CASK: variants seen among roughly 807,000 people sequenced by gnomAD.
CASK encodes the protein peripheral plasma membrane protein CASK.
Under a neutral mutation model 82.9 loss-of-function variants are expected in CASK, and 4 were observed. The observed-to-expected ratio is 0.05, with a 90% CI of 0.02 to 0.11. The LOEUF (loss-of-function observed/expected upper bound fraction) is 0.11. Among genes scored for constraint, CASK ranks in the 10% least tolerant of loss-of-function variants. The pLI, the probability that CASK is intolerant of heterozygous loss-of-function variation, is 1.00. For missense variants in CASK, 358 were observed against 720.9 expected, an observed-to-expected ratio of 0.50 and a Z score of 5.76; for synonymous variants, 259 against 253.5, an observed-to-expected ratio of 1.02 and a Z score of -0.20.
intron 15 of CASK, among the ~76,000 whole-genome samples, chrX:41,572,085 C>CTT (rs755117126): frequency 1.0e-5 from 1 of 98,465 alleles, no homozygotes. Context: ...TATCTTCTTA[C>CTT]TTTTTTTTTT....
At chrX:41,859,103 A>G (rs2071426297) in intron 1 of CASK, among the ~76,000 whole-genome samples, 1 of 111,902 alleles carries the variant, frequency 8.9e-6, no homozygotes, top group Non-Finnish European at 1.9e-5. Flanking sequence ...ATCATGTCTC[A>G]GGAAACCTTT....
intron 15 of CASK, 55 bp downstream of exon 15, chrX:41,578,285 T>C: frequency 1.1e-6 from 1 of 906,688 alleles, no homozygotes; most frequent in Non-Finnish European, 1.6e-6. Context: ...AGTTAGTTGA[T>C]ATAACTCATG....
intron 8 of CASK, among the ~76,000 whole-genome samples, chrX:41,645,459 C>T (rs1227333896): frequency 9.0e-6 from 1 of 111,134 alleles, no homozygotes; most frequent in Non-Finnish European, 1.9e-5. Flanking sequence ...CATCAATCCC[C>T]TGTCTAAGTA....
In CASK at chrX:41,534,799, G is replaced by GA; in HGVS notation, c.2237-14dup. ...ACACCATGTGCGCCTATGTCATTTA[G>GA]AAAAAAAGAATGTTAAAACTGACAA... On this transcript the variant is annotated splice_polypyrimidine_tract_variant and intron_variant, in intron 23 of 26. Transcript: ENST00000378163. The GA allele has an allele frequency of 8.4e-7, 1 of 1,188,220 alleles. No individual in the cohort carries two copies. The highest frequency in any genetic ancestry group is 1.1e-6 in the Non-Finnish European group (1 of 874,619).
intron 1 of CASK, among the ~76,000 whole-genome samples, chrX:41,866,882 T>C (rs1327340096): frequency 1.8e-5 from 2 of 111,641 alleles, no homozygotes; most frequent in Non-Finnish European, 3.8e-5. Flanking sequence ...TTTTGGGGTT[T>C]GATGAATACC....
chrX:41,550,356 T>C (rs2065079645), intron 21 of CASK, among the ~76,000 whole-genome samples: 1 of 111,299 alleles, frequency 9.0e-6, no homozygotes, highest in African/African-American at 3.3e-5. Flanking sequence ...CATATATCAA[T>C]AGTTTGATCC....
At chrX:41,830,189 C>T (rs1410020217) in intron 2 of CASK, among the ~76,000 whole-genome samples, 1 of 107,398 alleles carries the variant, frequency 9.3e-6, no homozygotes, top group Non-Finnish European at 1.9e-5. Context: ...TTGTAGAGAT[C>T]GGGTCTCACT....
intron 5 of CASK, among the ~76,000 whole-genome samples, chrX:41,708,246 GAA>G (rs1169439663): frequency 9.0e-6 from 1 of 111,423 alleles, no homozygotes; most frequent in Non-Finnish European, 1.9e-5. Flanking sequence ...TTCATTAGGT[GAA>G]AATACTTTAA....
intron 2 of CASK, among the ~76,000 whole-genome samples, chrX:41,804,013 C>T (rs142450612): frequency 1.7e-4 from 19 of 111,444 alleles, no homozygotes; most frequent in Middle Eastern, 4.6e-3. Flanking sequence ...ATATAAAGAA[C>T]CAGAATAGAA....
Position 41,520,247 on chromosome X carries a change from T to C in CASK, c.*173A>G, listed in dbSNP as rs2064616811. 2.4e-6 allele frequency: 1 copy of C among 409,713 alleles called. No individual in the cohort carries two copies. The highest frequency in any genetic ancestry group is 4.2e-6 in the Non-Finnish European group (1 of 235,474). The allele number at this position is 409,713 out of a possible 1,213,427, so 33.8% of individuals were successfully genotyped here. A position where few individuals can be genotyped will look rare whatever the true frequency, so the allele number is the denominator to read the frequency against. On this transcript the variant is annotated 3_prime_UTR_variant, in exon 27 of 27. Coordinates refer to ENST00000378163, the MANE Select transcript of CASK (RefSeq NM_001367721.1). Reference sequence around the variant, plus strand: ...AAGATACTGTCTCTTTAAATTAGTGTGTAATTGTTTTTCTCCTCCTATCTA... The same window carrying C: ...AAGATACTGTCTCTTTAAATTAGTGCGTAATTGTTTTTCTCCTCCTATCTA...
intron 3 of CASK, among the ~76,000 whole-genome samples, chrX:41,760,032 G>C (rs765288925): frequency 4.6e-4 from 51 of 111,933 alleles, no homozygotes; most frequent in Admixed American, 2.0e-3. Flanking sequence ...GGATAAGGAA[G>C]CTCCAGCTAC....
At chrX:41,807,367 A>G (rs1361211237) in intron 2 of CASK, among the ~76,000 whole-genome samples, 1 of 111,734 alleles carries the variant, frequency 8.9e-6, no homozygotes, top group African/African-American at 3.3e-5. Context: ...CTACCCATAA[A>G]TGTTGCTTAA....
At chrX:41,557,404 C>G (rs942755976) in intron 18 of CASK, among the ~76,000 whole-genome samples, 3 of 111,488 alleles carry the variant, frequency 2.7e-5, no homozygotes, top group Non-Finnish European at 5.6e-5. Flanking sequence ...AAAACCCTAT[C>G]AAGTATAAGA....
At chrX:41,617,934 G>T (rs1235008281) in intron 11 of CASK, among the ~76,000 whole-genome samples, 1 of 112,099 alleles carries the variant, frequency 8.9e-6, no homozygotes, top group Non-Finnish European at 1.9e-5. Flanking sequence ...TAACTATCTT[G>T]AAAACAAAAT....
At chrX:41,769,160 A>T (rs1029739967) in intron 3 of CASK, among the ~76,000 whole-genome samples, 2 of 103,301 alleles carry the variant, frequency 1.9e-5, no homozygotes, top group Non-Finnish European at 4.0e-5. Flanking sequence ...CTAAATAAGT[A>T]AAAAAAAAAA....
chrX:41,610,051 C>T lies in CASK; in HGVS notation c.1034-26G>A, dbSNP rs767789538. On this transcript the variant is annotated intron_variant, in intron 11 of 26. Transcript: ENST00000378163. ...CTAAGGGGGACAAACAGAAAAGAAA[C>T]AGCCAGTATAGAAAGTCAATGTCAA... The T allele has an allele frequency of 4.2e-6, 5 of 1,202,808 alleles. No individual in the cohort carries two copies. The South Asian group carries it at 8.9e-5, about 21-fold the overall frequency.
At chrX:41,780,539 T>C (rs1249316433) in intron 3 of CASK, among the ~76,000 whole-genome samples, 1 of 112,447 alleles carries the variant, frequency 8.9e-6, no homozygotes, top group Non-Finnish European at 1.9e-5. Context: ...TGAAATTTAC[T>C]AATCTAATCT....
intron 2 of CASK, among the ~76,000 whole-genome samples, chrX:41,814,605 G>T (rs749668055): frequency 1.1e-5 from 1 of 90,100 alleles, no homozygotes; most frequent in African/African-American, 4.1e-5. Flanking sequence ...GTGGAGGGAG[G>T]GGGGAGGGAT....
chrX:41,650,070 C>T (rs1178499775), intron 8 of CASK, among the ~76,000 whole-genome samples: 1 of 110,798 alleles, frequency 9.0e-6, no homozygotes. Context: ...ACTAGGATTG[C>T]AACCCCTGCT....
Sources: allele counts gnomAD v4.1 joint callset (sites outside exome capture counted in the v4.1 genomes callset), GRCh38; gene constraint gnomAD v4.1.1; transcripts MANE v1.5; gene names NCBI Gene and HGNC (gene_info 2026-07-23, HGNC 2026-07-21).